CTNNA3: variants seen among roughly 807,000 people sequenced by gnomAD.
The protein encoded by CTNNA3 is catenin alpha 3, also known as catenin alpha-3.
CTNNA3 carries 76 observed loss-of-function variants against 95.7 expected under a neutral mutation model. That is an observed-to-expected ratio of 0.79 (90% CI 0.66 to 0.96). CTNNA3 has a LOEUF of 0.96. Ranked by LOEUF, CTNNA3 falls within the 40% of genes least tolerant of loss-of-function variation. CTNNA3 has a pLI of 0.00. For missense variants in CTNNA3, 1,191 were observed against 1,089.8 expected, an observed-to-expected ratio of 1.09 and a Z score of -1.31; for synonymous variants, 431 against 374.4, an observed-to-expected ratio of 1.15 and a Z score of -1.74.
At chr10:67,575,162 T>G (rs1378104390) in intron 3 of CTNNA3, among the ~76,000 whole-genome samples, 1 of 152,200 alleles carries the variant, frequency 6.6e-6, no homozygotes, top group Non-Finnish European at 1.5e-5. Flanking sequence ...TGATCTAGTT[T>G]ATGTTTGGGT....
Position 66,104,419 on chromosome 10 carries a change from T to G in CTNNA3, c.1885-1170A>C, listed in dbSNP as rs552778081. On this transcript the variant is annotated intron_variant, in intron 13 of 17. Coordinates refer to ENST00000433211, the MANE Select transcript of CTNNA3 (RefSeq NM_013266.4). ...AACAAGAATTAGCCTAGTATTTGTT[T>G]TAGTGCACAAGGTCTCAACTTAATA... 2.0e-5 allele frequency among the ~76,000 whole-genome samples: 3 copies of G among 152,340 alleles called. No homozygotes were observed. The East Asian group carries it at 5.8e-4, about 29-fold the overall frequency.
chr10:67,381,483 A>C (rs1004697056), intron 5 of CTNNA3, among the ~76,000 whole-genome samples: 1 of 152,206 alleles, frequency 6.6e-6, no homozygotes, highest in Non-Finnish European at 1.5e-5. Flanking sequence ...ATCTATTCAG[A>C]TGTGTTTCCC....
At chr10:66,382,837 G>A (rs1174734655) in intron 11 of CTNNA3, among the ~76,000 whole-genome samples, 1 of 152,136 alleles carries the variant, frequency 6.6e-6, no homozygotes, top group African/African-American at 2.4e-5. Context: ...CAACAGACCT[G>A]CAGCTGAGGG....
chr10:66,593,246 C>A (rs577850888), intron 10 of CTNNA3, among the ~76,000 whole-genome samples: 2 of 152,194 alleles, frequency 1.3e-5, no homozygotes, highest in African/African-American at 4.8e-5. Flanking sequence ...GAGAACAGAA[C>A]TAATCTGTAA....
At chr10:66,732,923 G>A (rs1017720176) in intron 9 of CTNNA3, among the ~76,000 whole-genome samples, 1 of 151,980 alleles carries the variant, frequency 6.6e-6, no homozygotes, top group African/African-American at 2.4e-5. Flanking sequence ...AGCCTCCTGA[G>A]TAGCTGGGAT....
At chr10:67,474,472 T>A (rs1380329909) in intron 5 of CTNNA3, among the ~76,000 whole-genome samples, 1 of 152,184 alleles carries the variant, frequency 6.6e-6, no homozygotes, top group Non-Finnish European at 1.5e-5. Context: ...ACCAAACTTG[T>A]TGACTCCTTT....
At chr10:67,268,156 C>T (rs916757641) in intron 5 of CTNNA3, among the ~76,000 whole-genome samples, 9 of 151,888 alleles carry the variant, frequency 5.9e-5, no homozygotes, top group African/African-American at 2.2e-4. Context: ...ACTGGTTTAT[C>T]TCCTGGTAGA....
rs145003849 is a variant in CTNNA3, at chr10:66,916,258, C to T, written c.1048-140734G>A. Among the ~76,000 whole-genome samples the T allele has an allele frequency of 6.6e-3, 999 of 152,160 alleles. 6 individuals carry two copies. The highest frequency in any genetic ancestry group is 0.01 in the Non-Finnish European group (712 of 68,000). On this transcript the variant is annotated intron_variant, in intron 7 of 17. Coordinates refer to ENST00000433211, the MANE Select transcript of CTNNA3 (RefSeq NM_013266.4). ...TACACAGTGATTGTGAGTCATATCG[C>T]CTATTTATTTAATACTGTAATAATA...
chr10:66,007,964 A>G (rs2078931508), intron 15 of CTNNA3, among the ~76,000 whole-genome samples: 1 of 151,578 alleles, frequency 6.6e-6, no homozygotes, highest in Admixed American at 6.6e-5. Flanking sequence ...GCCTTTTTCT[A>G]CAACAGATCT....
At chr10:66,122,102 C>G (rs893795474) in intron 13 of CTNNA3, among the ~76,000 whole-genome samples, 2 of 151,894 alleles carry the variant, frequency 1.3e-5, no homozygotes, top group Non-Finnish European at 2.9e-5. Context: ...AATGGAAAAA[C>G]AGATAACAAA....
intron 9 of CTNNA3, among the ~76,000 whole-genome samples, chr10:66,750,499 C>A (rs1364765501): frequency 6.6e-6 from 1 of 152,156 alleles, no homozygotes; most frequent in Admixed American, 6.5e-5. Context: ...TGCTTTTGCT[C>A]CTTTGTCAAA....
chr10:66,354,266 C>G (rs1172338193), intron 12 of CTNNA3, among the ~76,000 whole-genome samples: 1 of 144,046 alleles, frequency 6.9e-6, no homozygotes, highest in Non-Finnish European at 1.5e-5. Flanking sequence ...GCCTGGGCAA[C>G]AAAGTGAGAC....
intron 5 of CTNNA3, among the ~76,000 whole-genome samples, chr10:67,398,162 G>A (rs548901291): frequency 2.6e-5 from 4 of 152,294 alleles, no homozygotes; most frequent in Non-Finnish European, 5.9e-5. Flanking sequence ...CTTGTGGCTG[G>A]AAAAGCAGCA....
At chr10:67,369,461 C>T (rs1564602393) in intron 5 of CTNNA3, among the ~76,000 whole-genome samples, 1 of 152,090 alleles carries the variant, frequency 6.6e-6, no homozygotes, top group Non-Finnish European at 1.5e-5. Context: ...GGCCTGCGAG[C>T]TAACTATGAC....
At chr10:66,227,900 G>A (rs1342177551) in intron 13 of CTNNA3, among the ~76,000 whole-genome samples, 2 of 152,018 alleles carry the variant, frequency 1.3e-5, no homozygotes, top group Admixed American at 6.6e-5. Context: ...TTCAGTCTTC[G>A]AAGGTGGATG....
intron 9 of CTNNA3, among the ~76,000 whole-genome samples, chr10:66,765,810 C>A (rs1407043176): frequency 6.6e-6 from 1 of 152,108 alleles, no homozygotes; most frequent in Non-Finnish European, 1.5e-5. Context: ...CAGTTCACTA[C>A]CCCTACTTAC....
chr10:67,477,564 G>A (rs767664715), intron 5 of CTNNA3, among the ~76,000 whole-genome samples: 5 of 152,152 alleles, frequency 3.3e-5, no homozygotes, highest in African/African-American at 1.2e-4. Flanking sequence ...GCCCTATAGT[G>A]CGTAGGGCTA....
intron 5 of CTNNA3, among the ~76,000 whole-genome samples, chr10:67,328,965 T>A (rs1841669565): frequency 6.6e-6 from 1 of 152,340 alleles, no homozygotes; most frequent in Non-Finnish European, 1.5e-5. Flanking sequence ...ATATTAAATA[T>A]CAGAATTCTG....
chr10:67,761,370 TA>T (rs745729543), intron 1 of CTNNA3, among the ~76,000 whole-genome samples: 1 of 152,198 alleles, frequency 6.6e-6, no homozygotes, highest in Non-Finnish European at 1.5e-5. Context: ...TATGATTTTA[TA>T]AAATGCTCCC....
Sources: allele counts gnomAD v4.1 joint callset (sites outside exome capture counted in the v4.1 genomes callset), GRCh38; gene constraint gnomAD v4.1.1; transcripts MANE v1.5; gene names NCBI Gene and HGNC (gene_info 2026-07-23, HGNC 2026-07-21).